The following XKR4 variants were observed in gnomAD, a reference collection of about 807,000 sequenced individuals.
XKR4 encodes XK related 4.
A neutral mutation model predicts 53.9 loss-of-function variants in XKR4; 12 were observed. That is an observed-to-expected ratio of 0.22 (90% confidence interval 0.14 to 0.36). The LOEUF is 0.36. Ranked by LOEUF, XKR4 falls within the 10% of genes least tolerant of loss-of-function variation. XKR4 has a pLI of 1.00. For synonymous variants in XKR4, 354 were observed against 362.4 expected (o/e 0.98, Z 0.26); for missense variants, 799 against 859.5 (o/e 0.93, Z 0.88).
In XKR4 at chr8:55,461,197, G is replaced by A. The variant is rs550989069; in HGVS notation, c.1007-62084G>A. Among the ~76,000 whole-genome samples the A allele has an allele frequency of 2.3e-3, 347 of 152,276 alleles. 1 individual carries two copies. Among genetic ancestry groups the A allele is most frequent in the Admixed American group, 0.015 (222 of 15,296 alleles). ...CCTCCTCAAGTGGGTCCCTGAACCC[G>A]GAGTAGCCTAACTGGAAGGCACCCC... On this transcript the variant is annotated intron_variant, in intron 2 of 2. Transcript: ENST00000327381.
At chr8:55,299,714 G>A (rs1008900926) in intron 1 of XKR4, among the ~76,000 whole-genome samples, 3 of 152,106 alleles carry the variant, frequency 2.0e-5, no homozygotes, top group African/African-American at 4.8e-5. Context: ...GAAGGGCCAG[G>A]GTGACAGCTG....
intron 1 of XKR4, among the ~76,000 whole-genome samples, chr8:55,140,531 C>G (rs1299669846): frequency 1.3e-5 from 2 of 152,262 alleles, no homozygotes; most frequent in Non-Finnish European, 2.9e-5. Flanking sequence ...TTACCAACAC[C>G]ATGATGCAGT....
intron 1 of XKR4, among the ~76,000 whole-genome samples, chr8:55,250,842 A>G (rs987823899): frequency 2.0e-5 from 3 of 152,214 alleles, no homozygotes; most frequent in African/African-American, 4.8e-5. Context: ...CAAATAATCA[A>G]TGATTCTTTA....
chr8:55,361,466 A>C (rs1334791612), intron 2 of XKR4, among the ~76,000 whole-genome samples: 1 of 152,058 alleles, frequency 6.6e-6, no homozygotes, highest in East Asian at 1.9e-4. Flanking sequence ...GAGGCCTGTC[A>C]GTTGTATCTT....
chr8:55,346,290 T>C (rs966290487), intron 1 of XKR4, among the ~76,000 whole-genome samples: 22 of 152,164 alleles, frequency 1.4e-4, no homozygotes, highest in Non-Finnish European at 3.1e-4. Flanking sequence ...TTCACCATGT[T>C]GGCCAGGATA....
intron 2 of XKR4, among the ~76,000 whole-genome samples, chr8:55,429,054 CAG>C (rs1805060163): frequency 6.6e-6 from 1 of 152,304 alleles, no homozygotes; most frequent in African/African-American, 2.4e-5. Flanking sequence ...GCTGAAGAAA[CAG>C]ACACATAGAT....
intron 1 of XKR4, among the ~76,000 whole-genome samples, chr8:55,262,615 A>C (rs1224425876): frequency 1.3e-5 from 2 of 152,232 alleles, no homozygotes; most frequent in African/African-American, 2.4e-5. Context: ...TCTGTAAACC[A>C]GCAAGAGAGG....
intron 1 of XKR4, among the ~76,000 whole-genome samples, chr8:55,336,223 G>T (rs1803459713): frequency 6.6e-6 from 1 of 151,988 alleles, no homozygotes; most frequent in African/African-American, 2.4e-5. Context: ...GGCTATTCTT[G>T]TGATAGTTAA....
chr8:55,312,520 C>T (rs958558979), intron 1 of XKR4, among the ~76,000 whole-genome samples: 2 of 152,162 alleles, frequency 1.3e-5, no homozygotes, highest in Non-Finnish European at 2.9e-5. Flanking sequence ...CCCAATTTAG[C>T]ACTTTTGGTG....
At chr8:55,293,222 C>T (rs1819055398) in intron 1 of XKR4, among the ~76,000 whole-genome samples, 1 of 152,042 alleles carries the variant, frequency 6.6e-6, no homozygotes, top group Non-Finnish European at 1.5e-5. Flanking sequence ...GTAATTCCAG[C>T]TACTTGGGAG....
intron 2 of XKR4, among the ~76,000 whole-genome samples, chr8:55,417,639 G>T (rs1405402045): frequency 6.6e-6 from 1 of 152,212 alleles, no homozygotes; most frequent in Admixed American, 6.5e-5. Flanking sequence ...AATCACAAAA[G>T]TAGAACAACA....
At chr8:55,463,506 G>C (rs1805697876) in intron 2 of XKR4, among the ~76,000 whole-genome samples, 1 of 151,604 alleles carries the variant, frequency 6.6e-6, no homozygotes, top group African/African-American at 2.4e-5. Flanking sequence ...AGCACTAAAT[G>C]CCCACAAGAG....
chr8:55,323,898 A>T lies in XKR4; in HGVS notation c.807-33780A>T, dbSNP rs549836324. ...CCACTATTGTCTAGCCATTTTTTTTAAATTTGAGATATTGTGTTTTTAAGT... is the reference window on the plus strand; with the variant it reads ...CCACTATTGTCTAGCCATTTTTTTTTAATTTGAGATATTGTGTTTTTAAGT... On this transcript the variant is annotated intron_variant, in intron 1 of 2. Coordinates refer to ENST00000327381, the MANE Select transcript of XKR4 (RefSeq NM_052898.2). Among the ~76,000 whole-genome samples the T allele has an allele frequency of 6.6e-5, 10 of 152,014 alleles. No individual in the cohort carries two copies. In the East Asian group the frequency reaches 1.7e-3, roughly 26 times the overall value.
intron 2 of XKR4, among the ~76,000 whole-genome samples, chr8:55,402,917 C>T (rs375225157): frequency 3.3e-5 from 5 of 152,286 alleles, no homozygotes; most frequent in South Asian, 2.1e-4. Flanking sequence ...TGCAGCCACA[C>T]TCAGAAAACA....
At chr8:55,165,481 A>G (rs1817053120) in intron 1 of XKR4, among the ~76,000 whole-genome samples, 1 of 152,178 alleles carries the variant, frequency 6.6e-6, no homozygotes, top group African/African-American at 2.4e-5. Context: ...AAGTATCATG[A>G]AATATATTTC....
chr8:55,472,218 G>T (rs1805896724), intron 2 of XKR4, among the ~76,000 whole-genome samples: 1 of 152,064 alleles, frequency 6.6e-6, no homozygotes, highest in South Asian at 2.1e-4. Flanking sequence ...GATTAGCTAG[G>T]AATGGAGGGG....
intron 2 of XKR4, among the ~76,000 whole-genome samples, chr8:55,406,655 G>A (rs1170577163): frequency 6.6e-6 from 1 of 152,142 alleles, no homozygotes; most frequent in Non-Finnish European, 1.5e-5. Flanking sequence ...TGTGATTTAG[G>A]GCAAATTATT....
In XKR4 at chr8:55,460,318, G is replaced by A. The variant is rs1260989738; in HGVS notation, c.1007-62963G>A. 2.0e-5 allele frequency among the ~76,000 whole-genome samples: 3 copies of A among 152,206 alleles called. No individual in the cohort carries two copies. The East Asian group carries it at 5.8e-4, about 29-fold the overall frequency. ...AAACAGGCATGAGGGATTTTGGAGT[G>A]ATAGAATATTCTCAAATCGGATTAT... On this transcript the variant is annotated intron_variant, in intron 2 of 2. Coordinates refer to ENST00000327381, the MANE Select transcript of XKR4 (RefSeq NM_052898.2).
chr8:55,106,096 A>G, intron 1 of XKR4, among the ~76,000 whole-genome samples: 1 of 152,210 alleles, frequency 6.6e-6, no homozygotes, highest in East Asian at 1.9e-4. Context: ...TCATGTTTTA[A>G]CATGCTACTT....
Sources: allele counts gnomAD v4.1 joint callset (sites outside exome capture counted in the v4.1 genomes callset), GRCh38; gene constraint gnomAD v4.1.1; transcripts MANE v1.5; gene names NCBI Gene and HGNC (gene_info 2026-07-23, HGNC 2026-07-21).